Variants in UST observed in about 807,000 individuals in gnomAD.
UST encodes the protein chondroitin sulfate 2-O-sulfotransferase.
In UST, 21 loss-of-function variants were observed where a neutral mutation model predicts 45.6. The observed-to-expected ratio is 0.46, with a 90% CI of 0.33 to 0.66. The LOEUF is 0.66. UST is among the 30% of genes least tolerant of loss of function. The pLI, the probability that UST is intolerant of heterozygous loss-of-function variation, is 0.02. For missense variants in UST, 463 were observed against 512.4 expected (o/e 0.90, Z 0.93); for synonymous variants, 215 against 200.6 (o/e 1.07, Z -0.61).
chr6:149,038,517 C>T (rs942010939), intron 7 of UST, among the ~76,000 whole-genome samples: 2 of 151,858 alleles, frequency 1.3e-5, no homozygotes, highest in African/African-American at 4.8e-5. Context: ...AGGATTCTCC[C>T]CTCGAGGGAA....
At chr6:148,767,661 T>TA (rs1483405176) in intron 1 of UST, among the ~76,000 whole-genome samples, 1 of 152,202 alleles carries the variant, frequency 6.6e-6, no homozygotes, top group African/African-American at 2.4e-5. Context: ...TCTGTGTAAT[T>TA]ATTTAAAAAC....
At chr6:148,778,095 G>T (rs1286338083) in intron 1 of UST, among the ~76,000 whole-genome samples, 2 of 152,154 alleles carry the variant, frequency 1.3e-5, no homozygotes, top group Admixed American at 6.5e-5. Flanking sequence ...GCAATGCATA[G>T]TGGTAGTTAC....
rs931982669 is a variant in UST at position 148,968,222 on chromosome 6, G to A, written c.681+3659G>A. On this transcript the variant is annotated intron_variant, in intron 5 of 7. Transcript: ENST00000367463. Reference sequence around the variant, plus strand: ...GTCTCTCCATCTTTACAAAGACATCGCTGTTACAGCAATTTGTTTTCAAAT... The same window carrying A: ...GTCTCTCCATCTTTACAAAGACATCACTGTTACAGCAATTTGTTTTCAAAT... 2.4e-4 allele frequency among the ~76,000 whole-genome samples: 37 copies of A among 152,298 alleles called. 1 individual carries two copies. Among genetic ancestry groups the A allele is most frequent in the African/African-American group, 8.4e-4 (35 of 41,562 alleles).
intron 1 of UST, among the ~76,000 whole-genome samples, chr6:148,873,606 GGC>G (rs778647802): frequency 1.1e-4 from 16 of 152,202 alleles, no homozygotes; most frequent in Non-Finnish European, 2.4e-4. Flanking sequence ...ATCTAAGCAA[GGC>G]AGGGAGTGTG....
intron 1 of UST, among the ~76,000 whole-genome samples, chr6:148,825,933 G>T (rs1220027025): frequency 6.6e-6 from 1 of 152,172 alleles, no homozygotes; most frequent in African/African-American, 2.4e-5. Context: ...AGGTAGGGGT[G>T]TTGCAGGAAT....
At chr6:148,770,206 A>G (rs957532180) in intron 1 of UST, among the ~76,000 whole-genome samples, 5 of 151,812 alleles carry the variant, frequency 3.3e-5, no homozygotes, top group African/African-American at 9.7e-5. Flanking sequence ...GGTAATAGAG[A>G]TTTGCCCACA....
intron 5 of UST, among the ~76,000 whole-genome samples, chr6:148,977,417 G>C (rs1334796877): frequency 6.6e-6 from 1 of 151,998 alleles, no homozygotes. Flanking sequence ...AATTGTCCTA[G>C]GTCTTTGTCT....
At chr6:148,831,067 A>T (rs1226242200) in intron 1 of UST, among the ~76,000 whole-genome samples, 1 of 142,846 alleles carries the variant, frequency 7.0e-6, no homozygotes. Context: ...AAGAAAGAAA[A>T]GGGGGGGGTG....
At chr6:149,043,169 C>T (rs1385939681) in intron 7 of UST, among the ~76,000 whole-genome samples, 1 of 151,320 alleles carries the variant, frequency 6.6e-6, no homozygotes, top group Non-Finnish European at 1.5e-5. Context: ...AGTGTGGTGG[C>T]ATGATCTCGG....
intron 7 of UST, among the ~76,000 whole-genome samples, chr6:149,042,997 TTCTTTCTTTCTTTCTTTC>T (rs1478961922): frequency 2.5e-5 from 3 of 118,164 alleles, no homozygotes; most frequent in East Asian, 2.0e-4. Context: ...CTTTCTTTCT[TTCTTTCTTTCTTTCTTTC>T]TTTCTTTTTC....
At chr6:148,893,238 C>A (rs1351700) in intron 2 of UST, among the ~76,000 whole-genome samples, 32,471 of 151,912 alleles carry the variant, frequency 0.21, 4,173 homozygotes, top group African/African-American at 0.35. Flanking sequence ...CATTAGAAGG[C>A]GGCTTACAAT....
At chr6:148,882,638 T>G (rs1362950310) in intron 1 of UST, among the ~76,000 whole-genome samples, 1 of 152,010 alleles carries the variant, frequency 6.6e-6, no homozygotes, top group Non-Finnish European at 1.5e-5. Context: ...AAATGACGAA[T>G]TATATTAGAA....
chr6:149,016,351 A>T (rs1775899460), intron 5 of UST, among the ~76,000 whole-genome samples: 1 of 152,188 alleles, frequency 6.6e-6, no homozygotes, highest in Admixed American at 6.5e-5. Context: ...CTCACCAGCC[A>T]GCTGATGCCC....
chr6:148,867,576 C>T (rs896285487), intron 1 of UST, among the ~76,000 whole-genome samples: 2 of 152,010 alleles, frequency 1.3e-5, no homozygotes, highest in African/African-American at 2.4e-5. Flanking sequence ...GCAGTTTCCC[C>T]CATACTGTTC....
chr6:148,894,982 T>A (rs1779095837), intron 2 of UST, among the ~76,000 whole-genome samples: 2 of 152,010 alleles, frequency 1.3e-5, no homozygotes, highest in Admixed American at 1.3e-4. Flanking sequence ...CATGCCTGGC[T>A]AATTTTTGTA....
At chr6:149,050,074 T>A (rs12209256) in intron 7 of UST, among the ~76,000 whole-genome samples, 5,187 of 152,268 alleles carry the variant, frequency 0.034, 123 homozygotes, top group Non-Finnish European at 0.05. Context: ...CTTGACATTT[T>A]ATCTACCATA....
chr6:149,027,469 A>G (rs1417072285), intron 7 of UST, among the ~76,000 whole-genome samples: 2 of 152,216 alleles, frequency 1.3e-5, no homozygotes, highest in Admixed American at 6.5e-5. Flanking sequence ...ATACCAGTGT[A>G]TCATGTAGAA....
intron 1 of UST, among the ~76,000 whole-genome samples, chr6:148,797,775 CAAG>C (rs776497953): frequency 2.3e-4 from 35 of 152,046 alleles, no homozygotes; most frequent in Non-Finnish European, 3.5e-4. Context: ...GCAGTTCAGA[CAAG>C]AAGAACAATA....
intron 2 of UST, among the ~76,000 whole-genome samples, chr6:148,912,186 G>A (rs1306923411): frequency 6.6e-6 from 1 of 152,150 alleles, no homozygotes; most frequent in African/African-American, 2.4e-5. Flanking sequence ...GACACAGCGA[G>A]GGTCTATTTC....
Sources: gnomAD v4.1 joint callset for allele counts (sites outside exome capture counted in the v4.1 genomes callset) on GRCh38, gnomAD v4.1.1 for gene constraint, MANE v1.5 for transcripts, NCBI Gene and HGNC (gene_info 2026-07-23, HGNC 2026-07-21) for gene names.